HECW1: variants seen among roughly 807,000 people sequenced by gnomAD.
HECW1 encodes HECT, C2 and WW domain containing E3 ubiquitin protein ligase 1.
Under a neutral mutation model 182.3 loss-of-function variants are expected in HECW1, and 61 were observed. The observed-to-expected ratio is 0.33, with a 90% CI of 0.27 to 0.41. HECW1 has a LOEUF of 0.41. Among genes scored for constraint, HECW1 ranks in the 10% least tolerant of loss-of-function variants. HECW1 has a pLI of 1.00. For missense variants in HECW1, 1,739 were observed against 2,108.9 expected, an observed-to-expected ratio of 0.82 and a Z score of 3.44; for synonymous variants, 859 against 832.6, an observed-to-expected ratio of 1.03 and a Z score of -0.55.
At chr7:43,424,534 A>G (rs1411976790) in intron 8 of HECW1, among the ~76,000 whole-genome samples, 1 of 152,064 alleles carries the variant, frequency 6.6e-6, no homozygotes, top group Non-Finnish European at 1.5e-5. Flanking sequence ...GAGGTGGGAA[A>G]ATGGCTTGAG....
In HECW1 at chr7:43,198,425, A is replaced by T. The variant is rs1183087925; in HGVS notation, c.-31-45450A>T. Reference sequence around the variant, plus strand: ...CACACACCCATACTCTCTTACACTCATACTCACATTCACACACTCACCCAC... The same window carrying T: ...CACACACCCATACTCTCTTACACTCTTACTCACATTCACACACTCACCCAC... On this transcript the variant is annotated intron_variant, in intron 2 of 29. Transcript: ENST00000395891. Among the ~76,000 whole-genome samples, 3 of 144,038 alleles carry T rather than the reference A, an allele frequency of 2.1e-5. No homozygotes were observed. The East Asian group carries it at 6.3e-4, about 30-fold the overall frequency. The allele number at this position is 144,038 out of a possible 152,430, so 94.5% of individuals were successfully genotyped here. A position where few individuals can be genotyped will look rare whatever the true frequency, so the allele number is the denominator to read the frequency against.
At chr7:43,175,885 T>C (rs1038470250) in intron 2 of HECW1, among the ~76,000 whole-genome samples, 8 of 152,166 alleles carry the variant, frequency 5.3e-5, no homozygotes, top group Admixed American at 3.9e-4. Flanking sequence ...TCTGCCACCT[T>C]TTCAATACCT....
At chr7:43,452,908 T>C (rs941124276) in intron 12 of HECW1, among the ~76,000 whole-genome samples, 10 of 151,942 alleles carry the variant, frequency 6.6e-5, no homozygotes, top group African/African-American at 2.4e-4. Context: ...CAGTCGGGAG[T>C]TGGAAACACC....
intron 5 of HECW1, among the ~76,000 whole-genome samples, chr7:43,340,971 A>T (rs1201212781): frequency 1.3e-5 from 2 of 151,794 alleles, no homozygotes; most frequent in Non-Finnish European, 2.9e-5. Context: ...ATGGAATACT[A>T]TGCAGCCATA....
intron 24 of HECW1, among the ~76,000 whole-genome samples, chr7:43,527,778 C>A (rs1177820400): frequency 1.3e-5 from 2 of 152,078 alleles, no homozygotes; most frequent in East Asian, 1.9e-4. Flanking sequence ...AAGAATACAC[C>A]AGATTTTGAT....
chr7:43,367,108 C>T (rs1816746114), intron 6 of HECW1, among the ~76,000 whole-genome samples: 2 of 152,204 alleles, frequency 1.3e-5, no homozygotes, highest in South Asian at 4.1e-4. Context: ...CATGATATCA[C>T]CAGGTTCATG....
chr7:43,208,249 T>A (rs1308463114), intron 2 of HECW1, among the ~76,000 whole-genome samples: 3 of 152,228 alleles, frequency 2.0e-5, no homozygotes, highest in African/African-American at 7.2e-5. Flanking sequence ...TCTTTCAACC[T>A]TCTATTGATT....
intron 19 of HECW1, among the ~76,000 whole-genome samples, chr7:43,496,058 T>A (rs2079110434): frequency 6.6e-6 from 1 of 152,058 alleles, no homozygotes; most frequent in South Asian, 2.1e-4. Context: ...TTTTCATCCC[T>A]ATTATATATC....
At chr7:43,159,431 A>T (rs57145831) in intron 2 of HECW1, among the ~76,000 whole-genome samples, 8,236 of 146,970 alleles carry the variant, frequency 0.056, 743 homozygotes, top group African/African-American at 0.2. Flanking sequence ...CATTTATCTC[A>T]TATGCAAATA....
chr7:43,186,769 A>G (rs1793451793), intron 2 of HECW1, among the ~76,000 whole-genome samples: 2 of 152,182 alleles, frequency 1.3e-5, no homozygotes, highest in Non-Finnish European at 2.9e-5. Flanking sequence ...ATTGCATTAC[A>G]ATTGCCTGCA....
chr7:43,247,739 G>GA (rs1214300698), intron 3 of HECW1, among the ~76,000 whole-genome samples: 1 of 127,472 alleles, frequency 7.8e-6, no homozygotes, highest in Admixed American at 8.1e-5. Context: ...AGAAAGGAAG[G>GA]AAGGAGGGAG....
At chr7:43,348,035 G>A (rs1217092843) in intron 5 of HECW1, among the ~76,000 whole-genome samples, 3 of 152,178 alleles carry the variant, frequency 2.0e-5, no homozygotes, top group Admixed American at 6.5e-5. Context: ...TGGCTTCACA[G>A]AATGAATTAG....
intron 24 of HECW1, among the ~76,000 whole-genome samples, chr7:43,513,413 G>A (rs1461289971): frequency 6.6e-6 from 1 of 152,164 alleles, no homozygotes; most frequent in East Asian, 1.9e-4. Context: ...GACATCAATG[G>A]AGAAACCCCT....
intron 2 of HECW1, among the ~76,000 whole-genome samples, chr7:43,215,452 G>A (rs576921600): frequency 2.6e-4 from 39 of 152,314 alleles, no homozygotes; most frequent in Admixed American, 2.6e-4. Flanking sequence ...TATTCCTTTT[G>A]TGGCATTCTC....
intron 3 of HECW1, among the ~76,000 whole-genome samples, chr7:43,261,539 T>A (rs1184165700): frequency 6.6e-6 from 1 of 152,210 alleles, no homozygotes; most frequent in Non-Finnish European, 1.5e-5. Context: ...GTGACCTGGC[T>A]GCCCCTGGTA....
Position 43,468,963 on chromosome 7 carries a change from T to A in HECW1, c.2957T>A (p.Met986Lys). Reference sequence around the variant, plus strand: ...ACCAGTAGCACCTGCTTAAAGCACATGATTCTGAAAGTCCGACGGGATGCT... The same window carrying A: ...ACCAGTAGCACCTGCTTAAAGCACAAGATTCTGAAAGTCCGACGGGATGCT... ...VFTSSTCLKH[M>K]ILKVRRDARN... Residue 986 changes from methionine to lysine, a missense_variant, in exon 16 of 30, where the codon ATG (methionine) becomes AAG (lysine). By Grantham distance (95) the Met-to-Lys change is moderately conservative. This residue lies in a region of HECW1 where 971 missense variants were observed against 1,029.1 expected (regional missense o/e 0.94). Transcript: ENST00000395891. 5 of 1,614,198 alleles carry A rather than the reference T, an allele frequency of 3.1e-6. No individual in the cohort carries two copies. Among genetic ancestry groups the A allele is most frequent in the Non-Finnish European group, 4.2e-6 (5 of 1,180,034 alleles).
rs1426494408 is a variant in HECW1, at chr7:43,456,466, A to G, written c.2651+19A>G. 4.3e-6 allele frequency: 7 copies of G among 1,609,744 alleles called. No homozygotes were observed. The highest frequency in any genetic ancestry group is 1.1e-5 in the South Asian group (1 of 90,640). ...ACAGGCGGTTGGTGATCAGTATGCA[A>G]TGAGCTCCCCTAAACCACAGTGAAA... On this transcript the variant is annotated intron_variant, in intron 13 of 29. Transcript: ENST00000395891.
At chr7:43,531,991 C>A (rs746053027) in intron 24 of HECW1, among the ~76,000 whole-genome samples, 3 of 152,214 alleles carry the variant, frequency 2.0e-5, no homozygotes, top group Non-Finnish European at 2.9e-5. Flanking sequence ...CGGCCCTGTG[C>A]CCGGAGGTAC....
At chr7:43,228,465 A>G (rs143674621) in intron 2 of HECW1, among the ~76,000 whole-genome samples, 1 of 152,254 alleles carries the variant, frequency 6.6e-6, no homozygotes, top group African/African-American at 2.4e-5. Flanking sequence ...TAAATTGGCT[A>G]AGAGAAGGTT....
Sources: gnomAD v4.1 joint callset for allele counts (sites outside exome capture counted in the v4.1 genomes callset) on GRCh38, gnomAD v4.1.1 for gene constraint, gnomAD v4.1.1 regional missense constraint, MANE v1.5 for transcripts, NCBI Gene and HGNC (gene_info 2026-07-23, HGNC 2026-07-21) for gene names.